The following FREM1 variants were observed in gnomAD, a reference collection of about 807,000 sequenced individuals.
FREM1 encodes the protein FRAS1-related extracellular matrix protein 1.
Under a neutral mutation model 210.1 loss-of-function variants are expected in FREM1, and 220 were observed. The ratio of observed to expected loss-of-function variants is 1.05; its 90% confidence interval spans 0.94 to 1.17. FREM1 has a LOEUF of 1.17. Among genes scored for constraint, FREM1 ranks in the 50% most tolerant of loss-of-function variants. The pLI, the probability that FREM1 is intolerant of heterozygous loss-of-function variation, is 0.00. For synonymous variants in FREM1, 1,189 were observed against 980.2 expected, an observed-to-expected ratio of 1.21 and a Z score of -3.98; for missense variants, 3,454 against 2,675.5, an observed-to-expected ratio of 1.29 and a Z score of -6.42.
intron 21 of FREM1, among the ~76,000 whole-genome samples, chr9:14,795,645 G>A (rs1852231690): frequency 6.6e-6 from 1 of 152,204 alleles, no homozygotes; most frequent in South Asian, 2.1e-4. Flanking sequence ...CTATTCCAGT[G>A]AGTTTAGTAA....
At chr9:14,883,228 T>G (rs1835136864) in intron 1 of FREM1, among the ~76,000 whole-genome samples, 1 of 152,114 alleles carries the variant, frequency 6.6e-6, no homozygotes, top group Non-Finnish European at 1.5e-5. Flanking sequence ...TAAATTTTGA[T>G]ATTTCAAAAA....
chr9:14,795,908 C>T (rs1443823470), intron 21 of FREM1, among the ~76,000 whole-genome samples: 4 of 152,142 alleles, frequency 2.6e-5, no homozygotes, highest in African/African-American at 9.7e-5. Flanking sequence ...GCTTTCACCT[C>T]CCTGCCTCTT....
chr9:14,751,323 CAG>C (rs1843342957), intron 29 of FREM1, among the ~76,000 whole-genome samples: 1 of 152,126 alleles, frequency 6.6e-6, no homozygotes, highest in Non-Finnish European at 1.5e-5. Flanking sequence ...CTATATGATA[CAG>C]TTAAACTTTT....
At chr9:14,872,610 G>T (rs1404222571) in intron 1 of FREM1, among the ~76,000 whole-genome samples, 1 of 151,896 alleles carries the variant, frequency 6.6e-6, no homozygotes, top group East Asian at 1.9e-4. Flanking sequence ...CATGTCATCT[G>T]CAAACAGGGA....
At chr9:14,813,211 CTG>C (rs1290873595) in intron 15 of FREM1, 147 bp from the exon 16 acceptor site, 10 of 823,190 alleles carry the variant, frequency 1.2e-5, no homozygotes, top group African/African-American at 1.7e-5. Context: ...GCCAAGTAAT[CTG>C]TGTCTTTTAA....
chr9:14,864,215 C>G (rs1889052), intron 2 of FREM1, among the ~76,000 whole-genome samples: 70,938 of 151,962 alleles, frequency 0.47, 17,142 homozygotes, highest in East Asian at 0.71. Context: ...TTAAAACATA[C>G]TTTCATTTTT....
intron 1 of FREM1, among the ~76,000 whole-genome samples, chr9:14,893,736 A>G (rs945854578): frequency 6.6e-6 from 1 of 152,234 alleles, no homozygotes; most frequent in East Asian, 1.9e-4. Context: ...GTAAAAGACT[A>G]TAAGAAGTCA....
At chr9:14,748,357 A>C in intron 31 of FREM1, 44 bp downstream of exon 31, 1 of 1,059,376 alleles carries the variant, frequency 9.4e-7, no homozygotes. Context: ...GATCCTTTTA[A>C]TATGTATTTT....
intron 21 of FREM1, among the ~76,000 whole-genome samples, chr9:14,796,516 C>G (rs1045477033): frequency 6.6e-6 from 1 of 152,152 alleles, no homozygotes; most frequent in African/African-American, 2.4e-5. Context: ...TGAGCACTTA[C>G]AGAGAGAGTG....
chr9:14,820,997 T>A (rs1821194976), intron 13 of FREM1, among the ~76,000 whole-genome samples: 1 of 152,206 alleles, frequency 6.6e-6, no homozygotes, highest in Non-Finnish European at 1.5e-5. Context: ...TTTAAATATA[T>A]ATTTTAGGGC....
rs1385717643 is a variant in FREM1 at position 14,784,524 on chromosome 9, G to A, written c.4288C>T (p.Leu1430Phe). ...VDGTDKPEEL[L>F]YVITSPPRYG... The stretch of plus-strand genomic sequence containing the variant: ...CGCGGAGGGGAGGTGATGACATAGA[G>A]CAGTTCCTCAGGCTTGTCTGTTCCG... Residue 1430 changes from leucine (L) to phenylalanine (F), a missense_variant, in exon 24 of 37, where the codon CTC (leucine) becomes TTC (phenylalanine). Coordinates refer to ENST00000380880, the MANE Select transcript of FREM1 (RefSeq NM_001379081.2). 1.2e-6 allele frequency: 2 copies of A among 1,613,700 alleles called. No homozygotes were observed. The highest frequency in any genetic ancestry group is 1.1e-5 in the South Asian group (1 of 91,068).
At chr9:14,898,311 T>C (rs557535474) in intron 1 of FREM1, among the ~76,000 whole-genome samples, 1 of 152,356 alleles carries the variant, frequency 6.6e-6, no homozygotes, top group African/African-American at 2.4e-5. Context: ...AGCACACACA[T>C]AGAGCAAGGC....
intron 2 of FREM1, 58 bp downstream of exon 2, chr9:14,868,686 T>C (rs943949033): frequency 1.5e-5 from 17 of 1,103,462 alleles, no homozygotes; most frequent in Non-Finnish European, 2.3e-5. Flanking sequence ...CCCCCACACA[T>C]TTTCATACAC....
intron 12 of FREM1, 28 bp from the exon 13 acceptor site, chr9:14,823,355 G>C: frequency 6.2e-7 from 1 of 1,600,964 alleles, no homozygotes. Context: ...ATGGATATGT[G>C]GGTGCTGACT....
rs548679905 is a variant in FREM1, at chr9:14,852,750, C to G, written c.829-1143G>C. Among the ~76,000 whole-genome samples, 13 of 152,306 alleles carry G rather than the reference C, an allele frequency of 8.5e-5. No individual in the cohort carries two copies. The South Asian group carries it at 2.7e-3, about 32-fold the overall frequency. ...CTAGTTCTCACAGGATTTGATCTAGCCCATTGCTGAGAGAACCAGGCTCAG... is the reference window on the plus strand; with the variant it reads ...CTAGTTCTCACAGGATTTGATCTAGGCCATTGCTGAGAGAACCAGGCTCAG... On this transcript the variant is annotated intron_variant, in intron 5 of 36. Transcript: ENST00000380880.
At chr9:14,830,500 A>C (rs902633174) in intron 10 of FREM1, among the ~76,000 whole-genome samples, 3 of 152,166 alleles carry the variant, frequency 2.0e-5, no homozygotes, top group Admixed American at 6.5e-5. Context: ...AGTTTGTTAA[A>C]ATGGGACTTT....
intron 22 of FREM1, among the ~76,000 whole-genome samples, chr9:14,792,004 C>A (rs1343159834): frequency 6.6e-6 from 1 of 151,870 alleles, no homozygotes; most frequent in Non-Finnish European, 1.5e-5. Context: ...GCTGCCACAC[C>A]CGGCTAATTT....
At position 14,792,726 on chromosome 9, in the gene FREM1, AG is replaced by A. The variant is rs1301998263; in HGVS notation, c.3981+16del. The A allele has an allele frequency of 2.6e-6, 4 of 1,568,512 alleles. No homozygotes were observed. In the African/African-American group the frequency reaches 5.5e-5, roughly 22 times the overall value. ...TGCTACGTTAGTTTTGAAAAATAAA[AG>A]TAAGAAGTCACTAACCTTAAGCTGA... On this transcript the variant is annotated intron_variant, in intron 22 of 36. Coordinates refer to ENST00000380880, the MANE Select transcript of FREM1 (RefSeq NM_001379081.2).
At chr9:14,781,403 G>A (rs1448262634) in intron 24 of FREM1, among the ~76,000 whole-genome samples, 1 of 152,042 alleles carries the variant, frequency 6.6e-6, no homozygotes, top group Non-Finnish European at 1.5e-5. Flanking sequence ...TTGAGTAATT[G>A]AAACCATATT....
Sources: allele counts gnomAD v4.1 joint callset (sites outside exome capture counted in the v4.1 genomes callset), GRCh38; gene constraint gnomAD v4.1.1; transcripts MANE v1.5; gene names NCBI Gene and HGNC (gene_info 2026-07-23, HGNC 2026-07-21).